Variants in LRRIQ3 observed in about 807,000 individuals in gnomAD.
The protein encoded by LRRIQ3 is leucine rich repeats and IQ motif containing 3.
Under a neutral mutation model 59.3 loss-of-function variants are expected in LRRIQ3, and 75 were observed. That is an observed-to-expected ratio of 1.26 (90% CI 1.05 to 1.53). The LOEUF (loss-of-function observed/expected upper bound fraction) is 1.53, where lower values mean the gene tolerates loss of function less well. Among genes scored for constraint, LRRIQ3 ranks in the 40% most tolerant of loss-of-function variants. The pLI is 0.00. For missense variants in LRRIQ3, 831 were observed against 710.0 expected, an observed-to-expected ratio of 1.17 and a Z score of -1.94; for synonymous variants, 250 against 231.3, an observed-to-expected ratio of 1.08 and a Z score of -0.73.
rs532190347 is a variant in LRRIQ3 at position 74,042,241 on chromosome 1, A to G, written c.998-308T>C. On this transcript the variant is annotated intron_variant, in intron 6 of 7. Coordinates refer to ENST00000354431, the MANE Select transcript of LRRIQ3 (RefSeq NM_001105659.2). Reference sequence around the variant, plus strand: ...CATACTTAGTACTACTTAACCACACATATTATTTTTTCATATAGTTTGCTA... The same window carrying G: ...CATACTTAGTACTACTTAACCACACGTATTATTTTTTCATATAGTTTGCTA... Among the ~76,000 whole-genome samples, 185 of 152,268 alleles carry G rather than the reference A, an allele frequency of 1.2e-3. 2 individuals are homozygous for G. Among genetic ancestry groups the G allele is most frequent in the African/African-American group, 4.3e-3 (178 of 41,572 alleles).
intron 4 of LRRIQ3, among the ~76,000 whole-genome samples, chr1:74,114,445 TG>T (rs2100572351): frequency 6.6e-6 from 1 of 152,072 alleles, no homozygotes; most frequent in South Asian, 2.1e-4. Context: ...AAGTGTATAT[TG>T]TAAGGCCTAA....
intron 4 of LRRIQ3, among the ~76,000 whole-genome samples, chr1:74,140,450 A>G (rs1247462541): frequency 2.0e-5 from 3 of 151,916 alleles, no homozygotes; most frequent in Admixed American, 6.6e-5. Flanking sequence ...ATGAAATAAT[A>G]ATAATACATC....
intron 4 of LRRIQ3, among the ~76,000 whole-genome samples, chr1:74,126,887 G>A (rs1332323056): frequency 1.3e-5 from 2 of 151,886 alleles, no homozygotes; most frequent in Admixed American, 1.3e-4. Context: ...TGTAGTCTAA[G>A]TCCAGTGTTT....
chr1:74,118,637 G>T (rs1646810532), intron 4 of LRRIQ3, among the ~76,000 whole-genome samples: 1 of 151,958 alleles, frequency 6.6e-6, no homozygotes, highest in Admixed American at 6.6e-5. Context: ...TGGCGTAAGA[G>T]TGTATTAGTC....
chr1:74,190,975 T>C (rs900639147), intron 1 of LRRIQ3, among the ~76,000 whole-genome samples: 1 of 152,140 alleles, frequency 6.6e-6, no homozygotes, highest in Non-Finnish European at 1.5e-5. Context: ...AAGATATGCC[T>C]TCCACCTTCT....
intron 4 of LRRIQ3, chr1:74,144,579 A>C (rs1345399151): frequency 3.6e-6 from 1 of 279,972 alleles, no homozygotes; most frequent in Non-Finnish European, 7.4e-6. Flanking sequence ...GCAGCAAAAA[A>C]AACCATTTAC....
In LRRIQ3 at chr1:74,195,346, C is replaced by T. The variant is rs575040375; in HGVS notation, c.-1+2650G>A. ...ACTACGAGCTCCACAGTATATAATC[C>T]AGGACCCTATTCATTTGGCTTCAAC... On this transcript the variant is annotated intron_variant, in intron 1 of 7. Coordinates refer to ENST00000354431, the MANE Select transcript of LRRIQ3 (RefSeq NM_001105659.2). 9.9e-4 allele frequency among the ~76,000 whole-genome samples: 151 copies of T among 152,216 alleles called. 1 individual carries two copies. The highest frequency in any genetic ancestry group is 3.5e-3 in the African/African-American group (147 of 41,516).
chr1:74,156,256 C>A (rs894522265), intron 3 of LRRIQ3, among the ~76,000 whole-genome samples: 1 of 152,110 alleles, frequency 6.6e-6, no homozygotes. Context: ...CACCTTCCAC[C>A]ATGATTGTAG....
chr1:74,089,091 A>C (rs1480900302), intron 5 of LRRIQ3, among the ~76,000 whole-genome samples: 1 of 152,118 alleles, frequency 6.6e-6, no homozygotes, highest in Non-Finnish European at 1.5e-5. Flanking sequence ...AGGGGAATGC[A>C]AATTAAAACC....
intron 4 of LRRIQ3, among the ~76,000 whole-genome samples, chr1:74,134,063 C>G (rs1647076223): frequency 6.6e-6 from 1 of 151,656 alleles, no homozygotes; most frequent in South Asian, 2.1e-4. Context: ...TTACTCATTT[C>G]TAACATTATT....
chr1:74,192,496 T>C (rs1412210694), intron 1 of LRRIQ3, among the ~76,000 whole-genome samples: 2 of 152,116 alleles, frequency 1.3e-5, no homozygotes, highest in African/African-American at 4.8e-5. Context: ...TTTTGTTTCA[T>C]ATGTATTCAA....
chr1:74,044,924 C>T (rs1315196994), intron 6 of LRRIQ3, among the ~76,000 whole-genome samples: 1 of 152,102 alleles, frequency 6.6e-6, no homozygotes, highest in Admixed American at 6.6e-5. Context: ...GAATTTGAAT[C>T]CCTGAATAGA....
chr1:74,033,302 A>T (rs1653774426), intron 7 of LRRIQ3, among the ~76,000 whole-genome samples: 1 of 152,032 alleles, frequency 6.6e-6, no homozygotes, highest in South Asian at 2.1e-4. Flanking sequence ...AATGAAATGA[A>T]AGAACTTTAG....
At chr1:74,130,955 A>T (rs958038049) in intron 4 of LRRIQ3, among the ~76,000 whole-genome samples, 9 of 152,124 alleles carry the variant, frequency 5.9e-5, no homozygotes, top group Non-Finnish European at 1.2e-4. Flanking sequence ...TGGTTTTTTG[A>T]AAAGATCAAC....
intron 6 of LRRIQ3, among the ~76,000 whole-genome samples, chr1:74,046,945 A>G (rs1654222370): frequency 6.6e-6 from 1 of 152,170 alleles, no homozygotes; most frequent in South Asian, 2.1e-4. Flanking sequence ...AAAAGTCAGG[A>G]AACAACAGAT....
intron 1 of LRRIQ3, among the ~76,000 whole-genome samples, chr1:74,194,168 T>A (rs1301555785): frequency 6.6e-6 from 1 of 152,126 alleles, no homozygotes; most frequent in Non-Finnish European, 1.5e-5. Context: ...GAGTGAGCTA[T>A]GATCTGCCAT....
intron 5 of LRRIQ3, among the ~76,000 whole-genome samples, chr1:74,096,722 T>A (rs1570105480): frequency 6.6e-6 from 1 of 151,992 alleles, no homozygotes; most frequent in Admixed American, 6.6e-5. Flanking sequence ...ACAGATGGGG[T>A]TTTGGTGTGG....
chr1:74,073,162 A>G (rs1226382904), intron 6 of LRRIQ3, among the ~76,000 whole-genome samples: 4 of 152,104 alleles, frequency 2.6e-5, no homozygotes, highest in Non-Finnish European at 5.9e-5. Flanking sequence ...TGCTTTTGTC[A>G]AGGCCACCGT....
chr1:74,095,780 A>G (rs1646442063), intron 5 of LRRIQ3, among the ~76,000 whole-genome samples: 1 of 152,102 alleles, frequency 6.6e-6, no homozygotes, highest in African/African-American at 2.4e-5. Context: ...AAGTTTATCC[A>G]AAACATTCCT....
Sources: gnomAD v4.1 joint callset for allele counts (sites outside exome capture counted in the v4.1 genomes callset) on GRCh38, gnomAD v4.1.1 for gene constraint, MANE v1.5 for transcripts, NCBI Gene and HGNC (gene_info 2026-07-23, HGNC 2026-07-21) for gene names.